The following KCND2 variants were observed in gnomAD, a reference collection of about 807,000 sequenced individuals.
The protein encoded by KCND2 is potassium voltage-gated channel subfamily D member 2, also known as A-type voltage-gated potassium channel KCND2.
In KCND2, 16 loss-of-function variants were observed where a neutral mutation model predicts 54.4. The observed-to-expected ratio is 0.29, with a 90% confidence interval of 0.20 to 0.45. The LOEUF (loss-of-function observed/expected upper bound fraction) is 0.45. KCND2 is among the 20% of genes least tolerant of loss of function. The pLI is 1.00. For synonymous variants in KCND2, 317 were observed against 310.7 expected, an observed-to-expected ratio of 1.02 and a Z score of -0.21; for missense variants, 486 against 824.2, an observed-to-expected ratio of 0.59 and a Z score of 5.02.
At chr7:120,593,800 A>G (rs751344332) in intron 1 of KCND2, among the ~76,000 whole-genome samples, 9 of 152,094 alleles carry the variant, frequency 5.9e-5, no homozygotes, top group Non-Finnish European at 1.2e-4. Flanking sequence ...CTTCATTAGA[A>G]GGAAATCAAT....
intron 1 of KCND2, among the ~76,000 whole-genome samples, chr7:120,583,461 A>G (rs987090182): frequency 3.3e-5 from 5 of 152,176 alleles, no homozygotes; most frequent in African/African-American, 4.8e-5. Context: ...AGAAAGTACC[A>G]TATACTGGGT....
chr7:120,464,105 G>A (rs749333112), intron 1 of KCND2: 26 of 979,980 alleles, frequency 2.7e-5, no homozygotes, highest in Non-Finnish European at 3.1e-5. Flanking sequence ...AGGATTGCCT[G>A]GTTTCCCCCT....
At chr7:120,577,475 A>T (rs1792450227) in intron 1 of KCND2, among the ~76,000 whole-genome samples, 1 of 152,204 alleles carries the variant, frequency 6.6e-6, no homozygotes, top group Non-Finnish European at 1.5e-5. Context: ...AAGAATGAAG[A>T]TCTGCCTGCC....
intron 1 of KCND2, among the ~76,000 whole-genome samples, chr7:120,393,272 A>C (rs1801103978): frequency 6.6e-6 from 1 of 152,022 alleles, no homozygotes; most frequent in African/African-American, 2.4e-5. Context: ...TGTTGGGAGA[A>C]ATAAATCGTA....
At chr7:120,683,798 C>T (rs1425433295) in intron 1 of KCND2, among the ~76,000 whole-genome samples, 1 of 151,842 alleles carries the variant, frequency 6.6e-6, no homozygotes, top group African/African-American at 2.4e-5. Flanking sequence ...ATCAAAAATG[C>T]AAACTCTTTC....
rs114239025 is a variant in KCND2 at position 120,473,618 on chromosome 7, G to T, written c.1115+197871G>T. The stretch of plus-strand genomic sequence containing the variant: ...TGCTTAGCAGCGATGTAATTTTTTT[G>T]TGTGTGTGTCAAGTCTATAATTAAC... On this transcript the variant is annotated intron_variant, in intron 1 of 5. Transcript: ENST00000331113. Among the ~76,000 whole-genome samples the T allele has an allele frequency of 6.9e-3, 1,054 of 152,186 alleles. 9 individuals carry two copies. Among genetic ancestry groups the T allele is most frequent in the African/African-American group, 0.023 (967 of 41,510 alleles).
chr7:120,656,478 C>T (rs748644242), intron 1 of KCND2, among the ~76,000 whole-genome samples: 75 of 152,142 alleles, frequency 4.9e-4, no homozygotes, highest in Admixed American at 2.4e-3. Context: ...ATGGTAAAAA[C>T]GGATCTTTCC....
In KCND2 at chr7:120,584,621, G is replaced by A. The variant is rs568250013; in HGVS notation, c.1116-148282G>A. Among the ~76,000 whole-genome samples the A allele has an allele frequency of 2.0e-5, 3 of 152,270 alleles. No homozygotes were observed. The East Asian group carries it at 5.8e-4, about 29-fold the overall frequency. On this transcript the variant is annotated intron_variant, in intron 1 of 5. Coordinates refer to ENST00000331113, the MANE Select transcript of KCND2 (RefSeq NM_012281.3). ...CATCTTCATGTCAGAAAGATTCCTCGAACTCACAGAAGCATAATGGGACTC... is the reference window on the plus strand; with the variant it reads ...CATCTTCATGTCAGAAAGATTCCTCAAACTCACAGAAGCATAATGGGACTC...
chr7:120,621,675 C>T (rs2116501196), intron 1 of KCND2, among the ~76,000 whole-genome samples: 1 of 152,190 alleles, frequency 6.6e-6, no homozygotes, highest in Non-Finnish European at 1.5e-5. Flanking sequence ...AGTAGGTAAA[C>T]TTTGCTGTCA....
At chr7:120,382,202 T>C (rs1800925610) in intron 1 of KCND2, among the ~76,000 whole-genome samples, 1 of 151,888 alleles carries the variant, frequency 6.6e-6, no homozygotes, top group Non-Finnish European at 1.5e-5. Flanking sequence ...TCCAATACTC[T>C]TCAACTCTCC....
At chr7:120,465,504 G>GA (rs35710286) in intron 1 of KCND2, among the ~76,000 whole-genome samples, 4 of 150,370 alleles carry the variant, frequency 2.7e-5, no homozygotes, top group African/African-American at 9.7e-5. Context: ...AATGGACCAT[G>GA]AAAAAAAAAG....
At chr7:120,447,669 G>A (rs1022215704) in intron 1 of KCND2, among the ~76,000 whole-genome samples, 16 of 151,978 alleles carry the variant, frequency 1.1e-4, no homozygotes, top group Non-Finnish European at 1.6e-4. Flanking sequence ...ATGAAAATAC[G>A]AATTTCTAAT....
chr7:120,650,580 G>A lies in KCND2; in HGVS notation c.1116-82323G>A, dbSNP rs1320644218. 4.2e-5 allele frequency among the ~76,000 whole-genome samples: 6 copies of A among 143,610 alleles called. 2 individuals are homozygous for A. The highest frequency in any genetic ancestry group is 1.6e-4 in the African/African-American group (6 of 36,606). 94.2% of individuals were successfully genotyped at this position (143,610 alleles called of 152,430 possible). A position where few individuals can be genotyped will look rare whatever the true frequency, so the allele number is the denominator to read the frequency against. ...TTCGAACTTCCTCCTTTAGCTCGGA[G>A]AAGTTTGATCGTCTGAAGCCTTCTT... On this transcript the variant is annotated intron_variant, in intron 1 of 5. Coordinates refer to ENST00000331113, the MANE Select transcript of KCND2 (RefSeq NM_012281.3).
intron 1 of KCND2, among the ~76,000 whole-genome samples, chr7:120,357,395 G>C (rs1318339344): frequency 6.6e-6 from 1 of 151,978 alleles, no homozygotes. Flanking sequence ...TATTTTAAGT[G>C]ATTTTTACCC....
intron 1 of KCND2, among the ~76,000 whole-genome samples, chr7:120,397,991 G>GTT (rs1392989590): frequency 5.3e-5 from 2 of 37,844 alleles, no homozygotes; most frequent in Non-Finnish European, 1.5e-4. Flanking sequence ...GTGTGTGTGT[G>GTT]TGTGTATATA....
intron 1 of KCND2, among the ~76,000 whole-genome samples, chr7:120,478,833 A>AT: frequency 6.6e-6 from 1 of 152,228 alleles, no homozygotes; most frequent in Non-Finnish European, 1.5e-5. Context: ...CATCCTGAAG[A>AT]TTTTGTAAGT....
At chr7:120,601,527 C>T (rs533706443) in intron 1 of KCND2, among the ~76,000 whole-genome samples, 1 of 152,114 alleles carries the variant, frequency 6.6e-6, no homozygotes, top group African/African-American at 2.4e-5. Flanking sequence ...TCATGTAGGT[C>T]AATGGTTGTA....
chr7:120,303,727 G>A (rs1799615330), intron 1 of KCND2, among the ~76,000 whole-genome samples: 2 of 152,134 alleles, frequency 1.3e-5, no homozygotes, highest in Non-Finnish European at 2.9e-5. Context: ...GGGTGAAAGA[G>A]AGAATGTATC....
intron 1 of KCND2, among the ~76,000 whole-genome samples, chr7:120,637,500 G>C (rs1793319994): frequency 6.6e-6 from 1 of 152,022 alleles, no homozygotes; most frequent in South Asian, 2.1e-4. Context: ...TTCACTTAAA[G>C]AGCAAGAAAT....
Sources: gnomAD v4.1 joint callset for allele counts (sites outside exome capture counted in the v4.1 genomes callset) on GRCh38, gnomAD v4.1.1 for gene constraint, MANE v1.5 for transcripts, NCBI Gene and HGNC (gene_info 2026-07-23, HGNC 2026-07-21) for gene names.